RPH3AL: variants seen among roughly 807,000 people sequenced by gnomAD.
The protein encoded by RPH3AL is rabphilin 3A like (without C2 domains).
A neutral mutation model predicts 43.1 loss-of-function variants in RPH3AL; 38 were observed. That is an observed-to-expected ratio of 0.88 (90% CI 0.68 to 1.15). The LOEUF (loss-of-function observed/expected upper bound fraction) is 1.15, where lower values mean the gene tolerates loss of function less well. Among genes scored for constraint, RPH3AL ranks in the 50% most tolerant of loss-of-function variants. RPH3AL has a pLI of 0.00. For synonymous variants in RPH3AL, 189 were observed against 176.3 expected (o/e 1.07, Z -0.57); for missense variants, 462 against 423.2 (o/e 1.09, Z -0.81).
chr17:341,267 C>T (rs1203453191), intron 1 of RPH3AL: 1 of 152,152 alleles, frequency 6.6e-6, no homozygotes, highest in Non-Finnish European at 1.5e-5. Flanking sequence ...GGACCAAACA[C>T]TCCCTCAGAG....
chr17:293,041 C>A (rs983231658), intron 5 of RPH3AL, among the ~76,000 whole-genome samples: 1 of 152,238 alleles, frequency 6.6e-6, no homozygotes, highest in Non-Finnish European at 1.5e-5. Flanking sequence ...CCCAGGGGAA[C>A]CAGCCACTCA....
chr17:308,444 G>T (rs1262468587), intron 5 of RPH3AL, among the ~76,000 whole-genome samples: 1 of 152,202 alleles, frequency 6.6e-6, no homozygotes, highest in Non-Finnish European at 1.5e-5. Flanking sequence ...CAATTCCACT[G>T]CTGGGTATAG....
At chr17:235,706 T>C (rs2041366022) in intron 7 of RPH3AL, among the ~76,000 whole-genome samples, 1 of 54,524 alleles carries the variant, frequency 1.8e-5, no homozygotes, top group Admixed American at 2.0e-4. Flanking sequence ...GGTCCCGGGT[T>C]CAAAGCTGGG....
At chr17:281,252 A>G (rs1293927198) in intron 6 of RPH3AL, among the ~76,000 whole-genome samples, 1 of 152,034 alleles carries the variant, frequency 6.6e-6, no homozygotes, top group Non-Finnish European at 1.5e-5. Context: ...CAGCTCCCCC[A>G]CTAACTGGCT....
chr17:331,713 C>T, intron 2 of RPH3AL: 1 of 1,288,220 alleles, frequency 7.8e-7, no homozygotes, highest in Non-Finnish European at 1.0e-6. Flanking sequence ...GCACCCCCTT[C>T]ACCAGTGGGT....
chr17:314,560 C>CA (rs1227192961), intron 5 of RPH3AL, among the ~76,000 whole-genome samples: 5 of 140,020 alleles, frequency 3.6e-5, no homozygotes, highest in Non-Finnish European at 4.8e-5. Flanking sequence ...AGTCTCTGTG[C>CA]CCCACCTCCA....
intron 6 of RPH3AL, among the ~76,000 whole-genome samples, chr17:278,321 T>C (rs1235927372): frequency 6.6e-6 from 1 of 152,204 alleles, no homozygotes; most frequent in South Asian, 2.1e-4. Context: ...TCCCCAGCCA[T>C]GTGGAACCGT....
chr17:216,568 G>A (rs1363744997), intron 8 of RPH3AL, among the ~76,000 whole-genome samples: 1 of 152,050 alleles, frequency 6.6e-6, no homozygotes, highest in Non-Finnish European at 1.5e-5. Context: ...GCTGAGGGTG[G>A]GTGTGGAGCG....
chr17:332,057 G>C (rs1179070122), intron 2 of RPH3AL: 1 of 383,284 alleles, frequency 2.6e-6, no homozygotes, highest in Non-Finnish European at 5.0e-6. Flanking sequence ...GAGGCAGGAG[G>C]TTTTGTGGAC....
chr17:249,124 C>T (rs74683222), intron 6 of RPH3AL, among the ~76,000 whole-genome samples: 21,250 of 152,186 alleles, frequency 0.14, 1,552 homozygotes, highest in South Asian at 0.18. Flanking sequence ...CTTCAGAAAA[C>T]ACCACATACT....
At chr17:273,922 A>G (rs527236487) in intron 6 of RPH3AL, among the ~76,000 whole-genome samples, 1 of 151,552 alleles carries the variant, frequency 6.6e-6, no homozygotes, top group South Asian at 2.1e-4. Context: ...TTTCTAGGCC[A>G]CCCCCCCTCA....
At chr17:273,016 A>AGGGTGAGACCCCAGCGAGGGTGACG (rs2042534792) in intron 6 of RPH3AL, among the ~76,000 whole-genome samples, 2 of 38,202 alleles carry the variant, frequency 5.2e-5, no homozygotes, top group African/African-American at 1.8e-4. Flanking sequence ...CGAGGGCGAC[A>AGGGTGAGACCCCAGCGAGGGTGACG]TCAGGAAGAG....
chr17:331,964 A>C, intron 2 of RPH3AL: 11 of 977,474 alleles, frequency 1.1e-5, no homozygotes, highest in East Asian at 6.1e-5. Flanking sequence ...AAACCCCCAA[A>C]TTCAGGAGGG....
chr17:316,807 G>C (rs2044238788), intron 5 of RPH3AL, among the ~76,000 whole-genome samples: 1 of 129,770 alleles, frequency 7.7e-6, no homozygotes, highest in African/African-American at 3.1e-5. Context: ...TGTAGTCCCT[G>C]TGCCCCCACC....
intron 7 of RPH3AL, among the ~76,000 whole-genome samples, chr17:231,904 GCCAGCGAGGAGGC>G (rs1567568196): frequency 6.6e-6 from 1 of 152,264 alleles, no homozygotes; most frequent in Admixed American, 6.5e-5. Context: ...CCACCTCTAA[GCCAGCGAGGAGGC>G]CCACGACAGG....
chr17:222,275 G>C (rs1225098515), intron 7 of RPH3AL, among the ~76,000 whole-genome samples: 1 of 152,280 alleles, frequency 6.6e-6, no homozygotes, highest in Non-Finnish European at 1.5e-5. Context: ...ACGTGCCCAA[G>C]TTGTAAGTAG....
chr17:337,564 A>AGC (rs1338851100), intron 1 of RPH3AL, among the ~76,000 whole-genome samples: 7 of 152,220 alleles, frequency 4.6e-5, no homozygotes, highest in Non-Finnish European at 1.5e-5. Flanking sequence ...TTTGAGGAGC[A>AGC]GCAATCCTGG....
At chr17:280,789 G>T (rs1013410526) in intron 6 of RPH3AL, among the ~76,000 whole-genome samples, 4 of 152,264 alleles carry the variant, frequency 2.6e-5, no homozygotes, top group African/African-American at 7.2e-5. Context: ...AGCTGTGGGG[G>T]ATGGTTGAGG....
intron 7 of RPH3AL, among the ~76,000 whole-genome samples, chr17:243,839 A>AC (rs1729277347): frequency 7.0e-6 from 1 of 142,112 alleles, no homozygotes; most frequent in South Asian, 2.2e-4. Flanking sequence ...TCTATTGATT[A>AC]CCTTCCTCTG....
Sources: allele counts gnomAD v4.1 joint callset (sites outside exome capture counted in the v4.1 genomes callset), GRCh38; gene constraint gnomAD v4.1.1; transcripts MANE v1.5; gene names NCBI Gene and HGNC (gene_info 2026-07-23, HGNC 2026-07-21).